DISP1: variants seen among roughly 807,000 people sequenced by gnomAD.
DISP1 encodes dispatched RND transporter family member 1.
A neutral mutation model predicts 37.3 loss-of-function variants in DISP1; 30 were observed. The observed-to-expected ratio is 0.80, with a 90% CI of 0.60 to 1.09. The LOEUF (loss-of-function observed/expected upper bound fraction) is 1.09. DISP1 is among the 50% of genes least tolerant of loss of function. The pLI, the probability that DISP1 is intolerant of heterozygous loss-of-function variation, is 0.00. For missense variants in DISP1, 1,598 were observed against 1,879.5 expected, an observed-to-expected ratio of 0.85 and a Z score of 2.77; for synonymous variants, 634 against 690.2, an observed-to-expected ratio of 0.92 and a Z score of 1.28.
intron 3 of DISP1, among the ~76,000 whole-genome samples, chr1:222,954,504 A>G (rs1374398631): frequency 6.6e-6 from 1 of 152,216 alleles, no homozygotes; most frequent in African/African-American, 2.4e-5. Flanking sequence ...AAGTTAACAA[A>G]ACTTAACAAC....
Position 222,931,457 on chromosome 1 carries a change from C to G in DISP1, c.-18+2887C>G, listed in dbSNP as rs140592475. 2.9e-3 allele frequency among the ~76,000 whole-genome samples: 448 copies of G among 151,962 alleles called. 2 individuals carry two copies. Among genetic ancestry groups the G allele is most frequent in the African/African-American group, 0.01 (424 of 41,494 alleles). On this transcript the variant is annotated intron_variant, in intron 2 of 8. Coordinates refer to ENST00000675850, the MANE Select transcript of DISP1 (RefSeq NM_001377229.1). ...GCTATAGTGATACAGATAGATTGCT[C>G]AGTTGTAAAGCCGCCCATTTTGTGA...
In DISP1 at chr1:223,003,032, C is replaced by T; in HGVS notation, c.1635C>T (p.Leu545=). 6.2e-7 allele frequency: 1 copy of T among 1,614,078 alleles called. No homozygotes were observed. Among genetic ancestry groups the T allele is most frequent in the South Asian group, 1.1e-5 (1 of 91,078 alleles). ...GTTCTTTGATTGTTTCCTATTTTCT[C>T]TATCGTGTAGTATTTCACTTCGAAT... ...IISSLIVSYF[L]YRVVFHFEFF... The change falls in exon 9 of 9, where the codon CTC becomes CTT. Residue 545 remains leucine (L), a synonymous_variant. Coordinates refer to ENST00000675850, the MANE Select transcript of DISP1 (RefSeq NM_001377229.1). This position sits in a 1 kb window ranked among gnomAD's most constrained non-coding sequence, Gnocchi z 4.3.
chr1:222,972,582 C>T (rs920867856), intron 3 of DISP1, among the ~76,000 whole-genome samples: 1 of 152,096 alleles, frequency 6.6e-6, no homozygotes, highest in African/African-American at 2.4e-5. Context: ...ACTGACTTTG[C>T]TTATAGGTAT....
intron 3 of DISP1, among the ~76,000 whole-genome samples, chr1:222,976,079 C>T (rs1003293920): frequency 6.6e-6 from 1 of 152,066 alleles, no homozygotes; most frequent in African/African-American, 2.4e-5. Context: ...AATGTTCCCA[C>T]TGAAGATTAT....
At position 223,003,368 on chromosome 1, in the gene DISP1, G is replaced by A. The variant is rs745321920; in HGVS notation, c.1971G>A (p.Val657=). Residue 657 remains valine (V), a synonymous_variant, in exon 9 of 9, where the codon GTG becomes GTA. Coordinates refer to ENST00000675850, the MANE Select transcript of DISP1 (RefSeq NM_001377229.1). The surrounding 1 kb of genome is among the most constrained non-coding windows in gnomAD (Gnocchi z 4.3). ...TCACATGGCTTCCAGCAGTTGTTGT[G>A]CTGCATGAGCGGTATCTTCTTAATA... ...LMVTWLPAVV[V]LHERYLLNIF... 14 of 1,613,958 alleles carry A rather than the reference G, an allele frequency of 8.7e-6. No individual in the cohort carries two copies. Among genetic ancestry groups the A allele is most frequent in the Non-Finnish European group, 1.1e-5 (13 of 1,180,050 alleles).
intron 3 of DISP1, among the ~76,000 whole-genome samples, chr1:222,961,576 C>T (rs1348739838): frequency 6.6e-6 from 1 of 152,184 alleles, no homozygotes; most frequent in Non-Finnish European, 1.5e-5. Context: ...GATGCGCTCT[C>T]TCGCCACTCC....
chr1:222,873,560 A>G (rs1159875593), intron 1 of DISP1, among the ~76,000 whole-genome samples: 1 of 151,806 alleles, frequency 6.6e-6, no homozygotes, highest in South Asian at 2.1e-4. Context: ...ATCTTTGTTG[A>G]CTTAATGTCT....
chr1:222,842,940 CA>C (rs1667694920), intron 1 of DISP1, among the ~76,000 whole-genome samples: 1 of 151,822 alleles, frequency 6.6e-6, no homozygotes, highest in African/African-American at 2.4e-5. Flanking sequence ...AGTAGCCCAT[CA>C]AAAATATGCC....
intron 1 of DISP1, among the ~76,000 whole-genome samples, chr1:222,903,189 A>C (rs541659784): frequency 6.6e-6 from 1 of 151,688 alleles, no homozygotes; most frequent in East Asian, 2.0e-4. Flanking sequence ...TCAGCAAACT[A>C]TCGCAAGGAC....
chr1:222,973,187 G>A (rs936009767), intron 3 of DISP1, among the ~76,000 whole-genome samples: 1 of 152,110 alleles, frequency 6.6e-6, no homozygotes, highest in African/African-American at 2.4e-5. Context: ...GTACATAAAT[G>A]AATACATATG....
chr1:222,873,215 AGGTGT>A (rs1669694557), intron 1 of DISP1, among the ~76,000 whole-genome samples: 1 of 152,162 alleles, frequency 6.6e-6, no homozygotes, highest in African/African-American at 2.4e-5. Context: ...ATTTTGGAAT[AGGTGT>A]GGTGTGGTGC....
intron 1 of DISP1, among the ~76,000 whole-genome samples, chr1:222,909,831 C>T (rs36062949): frequency 0.63 from 95,435 of 151,884 alleles, 30,433 homozygotes; most frequent in South Asian, 0.75. Flanking sequence ...TCTCAGGAGA[C>T]GGTGGAGCTC....
Position 222,893,401 on chromosome 1 carries a change from G to T in DISP1, c.-158-35029G>T, listed in dbSNP as rs772376315. ...TGCTTGTGCCTGCTGGCCTCATTCC[G>T]CCCACTCGACCTGGCAGGCTGTGCT... On this transcript the variant is annotated intron_variant, in intron 1 of 8. Transcript: ENST00000675850. The surrounding 1 kb of genome is among the most constrained non-coding windows in gnomAD (Gnocchi z 4.3). 6.6e-6 allele frequency among the ~76,000 whole-genome samples: 1 copy of T among 152,184 alleles called. No homozygotes were observed. Among genetic ancestry groups the T allele is most frequent in the Non-Finnish European group, 1.5e-5 (1 of 68,040 alleles).
At chr1:222,816,399 G>C (rs531197410) in intron 1 of DISP1, among the ~76,000 whole-genome samples, 1 of 152,302 alleles carries the variant, frequency 6.6e-6, no homozygotes, top group East Asian at 1.9e-4. Context: ...CACAAAGTGA[G>C]CAAGGTAGCT....
chr1:222,929,557 C>G (rs1443648347), intron 2 of DISP1, among the ~76,000 whole-genome samples: 1 of 151,894 alleles, frequency 6.6e-6, no homozygotes, highest in African/African-American at 2.4e-5. Context: ...TTTTTACTCA[C>G]AAGAAGGTTA....
chr1:222,970,397 C>T (rs879896265), intron 3 of DISP1, among the ~76,000 whole-genome samples: 18 of 151,968 alleles, frequency 1.2e-4, no homozygotes, highest in Non-Finnish European at 2.1e-4. Flanking sequence ...CATAAAGAGC[C>T]GGCATTATTT....
chr1:223,004,877 A>G lies in DISP1; in HGVS notation c.3480A>G (p.Thr1160=). ...GTGCCTTTTCCCATGCCTTGTCTAC[A>G]AGTCCCAGTGACAAGGGACAAAGCA... ...QCSAFSHALS[T]SPSDKGQSKT... Residue 1160 remains threonine (T), a synonymous_variant, in exon 9 of 9, where the codon ACA becomes ACG. Coordinates refer to ENST00000675850, the MANE Select transcript of DISP1 (RefSeq NM_001377229.1). The surrounding 1 kb of genome is among the most constrained non-coding windows in gnomAD (Gnocchi z 4.9). The G allele has an allele frequency of 1.2e-6, 2 of 1,609,250 alleles. No individual in the cohort carries two copies. Among genetic ancestry groups the G allele is most frequent in the Non-Finnish European group, 1.7e-6 (2 of 1,179,982 alleles).
intron 1 of DISP1, among the ~76,000 whole-genome samples, chr1:222,883,585 C>T (rs1038042886): frequency 9.8e-5 from 15 of 152,324 alleles, no homozygotes; most frequent in African/African-American, 3.4e-4. Context: ...CCACTGCACT[C>T]TAGCCTGGCG....
chr1:222,868,304 T>TCCC (rs1669315183), intron 1 of DISP1, among the ~76,000 whole-genome samples: 1 of 152,000 alleles, frequency 6.6e-6, no homozygotes, highest in Non-Finnish European at 1.5e-5. Context: ...TGCAGAGTAA[T>TCCC]ATGTGTTATC....
Sources: allele counts gnomAD v4.1 joint callset (sites outside exome capture counted in the v4.1 genomes callset), GRCh38; gene constraint gnomAD v4.1.1; non-coding constraint Gnocchi (gnomAD v3.1); transcripts MANE v1.5; gene names NCBI Gene and HGNC (gene_info 2026-07-23, HGNC 2026-07-21).